Variants in CEP70 observed in about 807,000 individuals in gnomAD.
CEP70 encodes the protein centrosomal protein of 70 kDa.
In CEP70, 70 loss-of-function variants were observed where a neutral mutation model predicts 90.9. That is an observed-to-expected ratio of 0.77 (90% confidence interval 0.64 to 0.94). The LOEUF is 0.94. Among genes scored for constraint, CEP70 ranks in the 40% least tolerant of loss-of-function variants. The pLI is 0.00. For missense variants in CEP70, 648 were observed against 669.0 expected, an observed-to-expected ratio of 0.97 and a Z score of 0.35; for synonymous variants, 220 against 228.3, an observed-to-expected ratio of 0.96 and a Z score of 0.33.
intron 2 of CEP70, among the ~76,000 whole-genome samples, chr3:138,579,131 C>T (rs1349488293): frequency 6.6e-6 from 1 of 152,142 alleles, no homozygotes; most frequent in Non-Finnish European, 1.5e-5. Flanking sequence ...CCAACAACAC[C>T]AGGAAGAATT....
At chr3:138,537,656 G>A (rs549356837) in intron 6 of CEP70, among the ~76,000 whole-genome samples, 8 of 152,186 alleles carry the variant, frequency 5.3e-5, no homozygotes, top group African/African-American at 1.9e-4. Context: ...TTATGTTTAA[G>A]TTTACATTAA....
At chr3:138,508,923 C>T (rs1050193910) in intron 11 of CEP70, among the ~76,000 whole-genome samples, 3 of 151,892 alleles carry the variant, frequency 2.0e-5, no homozygotes, top group African/African-American at 7.3e-5. Flanking sequence ...TTAGTAGAGA[C>T]GGGGTTTCAC....
intron 17 of CEP70, chr3:138,497,156 C>T (rs2034008377): frequency 1.8e-6 from 2 of 1,107,766 alleles, no homozygotes; most frequent in African/African-American, 1.7e-5. Flanking sequence ...TCATTGTCTC[C>T]CTTGCTTCCC....
chr3:138,494,715 C>T lies in CEP70; in HGVS notation c.*300G>A, dbSNP rs961463250. On this transcript the variant is annotated 3_prime_UTR_variant, in exon 18 of 18. Transcript: ENST00000264982. ...CAACCTACTACTTGCAATCTGTCTC[C>T]CTGGGCTCCTCTTTTACTCACAAAC... 4 of 211,542 alleles carry T rather than the reference C, an allele frequency of 1.9e-5. No individual in the cohort carries two copies. The highest frequency in any genetic ancestry group is 1.9e-5 in the Non-Finnish European group (2 of 107,394). The allele number at this position is 211,542 out of a possible 1,614,324, so 13.1% of individuals were successfully genotyped here. A position where few individuals can be genotyped will look rare whatever the true frequency, so the allele number is the denominator to read the frequency against.
At chr3:138,519,236 G>C (rs35834585) in intron 11 of CEP70, among the ~76,000 whole-genome samples, 10,827 of 137,744 alleles carry the variant, frequency 0.079, 785 homozygotes, top group East Asian at 0.38. Flanking sequence ...GGGGAGAATG[G>C]AACCAAGCTG....
intron 13 of CEP70, 46 bp from the exon 14 acceptor site, chr3:138,500,927 T>TCTATTATGTTA: frequency 1.1e-6 from 1 of 943,788 alleles, no homozygotes; most frequent in Non-Finnish European, 1.5e-6. Flanking sequence ...TTAAATAATT[T>TCTATTATGTTA]CTATAGTAAC....
chr3:138,581,308 A>G (rs1247912451), intron 2 of CEP70, among the ~76,000 whole-genome samples: 2 of 151,974 alleles, frequency 1.3e-5, no homozygotes, highest in Non-Finnish European at 2.9e-5. Flanking sequence ...AAAGAAAAGA[A>G]AAAAGAATGA....
At chr3:138,543,723 G>C (rs910143354) in intron 6 of CEP70, among the ~76,000 whole-genome samples, 1 of 152,168 alleles carries the variant, frequency 6.6e-6, no homozygotes, top group African/African-American at 2.4e-5. Flanking sequence ...AGGATAGCTT[G>C]AGCCTGGGAA....
chr3:138,576,218 A>G (rs962394014), intron 2 of CEP70, among the ~76,000 whole-genome samples: 1 of 152,216 alleles, frequency 6.6e-6, no homozygotes, highest in Non-Finnish European at 1.5e-5. Context: ...TCTCATGTGC[A>G]GAGACACACA....
At chr3:138,495,422 C>T (rs936645216) in intron 17 of CEP70, among the ~76,000 whole-genome samples, 1 of 152,226 alleles carries the variant, frequency 6.6e-6, no homozygotes, top group African/African-American at 2.4e-5. Context: ...GGTGCATCTA[C>T]ATGATGAAAT....
intron 10 of CEP70, among the ~76,000 whole-genome samples, chr3:138,528,445 C>A (rs539465415): frequency 6.6e-6 from 1 of 152,242 alleles, no homozygotes; most frequent in South Asian, 2.1e-4. Flanking sequence ...TAAGTTATCA[C>A]GGGAAAGAAC....
chr3:138,500,367 TG>T, intron 15 of CEP70, 31 bp downstream of exon 15: 3 of 1,552,430 alleles, frequency 1.9e-6, no homozygotes, highest in Middle Eastern at 1.9e-4. Flanking sequence ...AATTCTTAAA[TG>T]GGGGCCCAAA....
intron 6 of CEP70, among the ~76,000 whole-genome samples, chr3:138,543,089 C>T (rs1225725498): frequency 1.4e-4 from 21 of 152,164 alleles, no homozygotes; most frequent in Admixed American, 1.4e-3. Flanking sequence ...CTCCAGGTTG[C>T]GGACTCCACC....
rs748352321 is a variant in CEP70, at chr3:138,508,445, G to A, written c.1044C>T (p.Tyr348=). 3.8e-6 allele frequency: 6 copies of A among 1,589,100 alleles called. No individual in the cohort carries two copies. The African/African-American group carries it at 4.0e-5, about 11-fold the overall frequency. Residue 348 remains tyrosine (Y), a synonymous_variant, in exon 12 of 18, where the codon TAC becomes TAT. Coordinates refer to ENST00000264982, the MANE Select transcript of CEP70 (RefSeq NM_024491.4). ...NQQQALIDQR[Y]FQVLCSINSI... ...TGAAAAATCAATTCAATACCTGAAA[G>A]TATCTCTGGTCAATTAGGGCCTGTT...
At chr3:138,519,672 C>T (rs562687628) in intron 11 of CEP70, among the ~76,000 whole-genome samples, 2 of 152,234 alleles carry the variant, frequency 1.3e-5, no homozygotes, top group East Asian at 3.9e-4. Context: ...TACAAGAGCT[C>T]CTGAAGGAAG....
At position 138,591,074 on chromosome 3, in the gene CEP70, A is replaced by G. The variant is rs577995485; in HGVS notation, c.-6+780T>C. The stretch of plus-strand genomic sequence containing the variant: ...AAGTAAAGGAAATGCTAACCTAACC[A>G]AAATAAAGCTGGTACGGGTTGAACG... On this transcript the variant is annotated intron_variant, in intron 2 of 17. Coordinates refer to ENST00000264982, the MANE Select transcript of CEP70 (RefSeq NM_024491.4). Among the ~76,000 whole-genome samples the G allele has an allele frequency of 7.2e-5, 11 of 152,324 alleles. No homozygotes were observed. In the South Asian group the frequency reaches 2.3e-3, roughly 32 times the overall value.
chr3:138,566,584 C>T (rs1018280789), intron 6 of CEP70, among the ~76,000 whole-genome samples: 2 of 152,060 alleles, frequency 1.3e-5, no homozygotes, highest in Non-Finnish European at 2.9e-5. Flanking sequence ...ACTGCACATT[C>T]TCACTTATAA....
chr3:138,553,445 A>C (rs1435306404), intron 6 of CEP70, among the ~76,000 whole-genome samples: 1 of 151,552 alleles, frequency 6.6e-6, no homozygotes, highest in African/African-American at 2.4e-5. Flanking sequence ...GGGCCACTGC[A>C]CTCCAGCCTT....
chr3:138,501,663 T>G (rs1439394273), intron 13 of CEP70, among the ~76,000 whole-genome samples: 1 of 152,204 alleles, frequency 6.6e-6, no homozygotes, highest in African/African-American at 2.4e-5. Context: ...TATTCTACAT[T>G]ATAATACTCC....
Sources: gnomAD v4.1 joint callset for allele counts (sites outside exome capture counted in the v4.1 genomes callset) on GRCh38, gnomAD v4.1.1 for gene constraint, MANE v1.5 for transcripts, NCBI Gene and HGNC (gene_info 2026-07-23, HGNC 2026-07-21) for gene names.